The following PRDM16 variants were observed in gnomAD, a reference collection of about 807,000 sequenced individuals.
The protein encoded by PRDM16 is PR/SET domain 16.
In PRDM16, 23 loss-of-function variants were observed where a neutral mutation model predicts 110.6. The observed-to-expected ratio is 0.21, with a 90% confidence interval of 0.15 to 0.29. The LOEUF (loss-of-function observed/expected upper bound fraction) is 0.29. Among genes scored for constraint, PRDM16 ranks in the 10% least tolerant of loss-of-function variants. PRDM16 has a pLI of 1.00. For synonymous variants in PRDM16, 799 were observed against 781.8 expected (o/e 1.02, Z -0.37); for missense variants, 1,615 against 1,794.3 (o/e 0.90, Z 1.81).
chr1:3,196,749 A>C (rs775005905), intron 2 of PRDM16, among the ~76,000 whole-genome samples: 12 of 152,200 alleles, frequency 7.9e-5, no homozygotes, highest in Non-Finnish European at 1.2e-4. Context: ...CACTTGGAGG[A>C]GTCCAGCCCA....
intron 1 of PRDM16, among the ~76,000 whole-genome samples, chr1:3,146,493 G>A (rs1470668881): frequency 6.7e-6 from 1 of 150,122 alleles, no homozygotes; most frequent in Non-Finnish European, 1.5e-5. Context: ...TGGTTGGGGT[G>A]TATATGTGTG....
chr1:3,324,232 G>T lies in PRDM16; in HGVS notation c.439-60920G>T, dbSNP rs1201373496. ...TGCGGAGCAGGACTCCCACAGTGGG[G>T]CCTGGGGCACTAGGAGCCCCAAGGA... On this transcript the variant is annotated intron_variant, in intron 3 of 16. Transcript: ENST00000270722. Among the ~76,000 whole-genome samples the T allele has an allele frequency of 4.6e-5, 7 of 152,202 alleles. 1 individual carries two copies.
At chr1:3,097,694 G>A (rs2142572) in intron 1 of PRDM16, among the ~76,000 whole-genome samples, 10,513 of 152,236 alleles carry the variant, frequency 0.069, 389 homozygotes, top group Non-Finnish European at 0.072. Context: ...TCCTACCATG[G>A]AGGGAGGCAG....
chr1:3,425,271 G>A lies in PRDM16; in HGVS notation c.2940-310G>A, dbSNP rs1398628068. 4.6e-6 allele frequency: 1 copy of A among 217,106 alleles called. No individual in the cohort carries two copies. The highest frequency in any genetic ancestry group is 9.3e-6 in the Non-Finnish European group (1 of 107,890). 13.4% of individuals were successfully genotyped at this position (217,106 alleles called of 1,614,324 possible). On this transcript the variant is annotated intron_variant, in intron 12 of 16. Coordinates refer to ENST00000270722, the MANE Select transcript of PRDM16 (RefSeq NM_022114.4). This position sits in a 1 kb window ranked among gnomAD's most constrained non-coding sequence, Gnocchi z 6.9. ...TTTTTTGTATTTTTAGTAGAGACGG[G>A]GTTTCACCATGTCAGCCAGGATGGT...
intron 3 of PRDM16, among the ~76,000 whole-genome samples, chr1:3,264,191 G>C (rs566560067): frequency 6.6e-6 from 1 of 152,234 alleles, no homozygotes; most frequent in African/African-American, 2.4e-5. Context: ...TATGGAGTCC[G>C]AAAATGGGGC....
intron 1 of PRDM16, among the ~76,000 whole-genome samples, chr1:3,176,364 C>T (rs1644090662): frequency 7.8e-6 from 1 of 128,620 alleles, no homozygotes; most frequent in Non-Finnish European, 1.7e-5. Context: ...CTCCTGGAGG[C>T]ATTCACACCT....
At chr1:3,087,391 C>T (rs896358988) in intron 1 of PRDM16, among the ~76,000 whole-genome samples, 1 of 152,184 alleles carries the variant, frequency 6.6e-6, no homozygotes, top group Admixed American at 6.5e-5. Flanking sequence ...CTGAGGAACG[C>T]GAGAGCAGGT....
At chr1:3,388,830 G>C (rs1643245961) in intron 4 of PRDM16, among the ~76,000 whole-genome samples, 1 of 152,180 alleles carries the variant, frequency 6.6e-6, no homozygotes, top group Admixed American at 6.5e-5. Flanking sequence ...CCCATCCCGG[G>C]CTCCTCCTGG....
At chr1:3,114,144 TGCACACACGCACACACACAC>T (rs1409812948) in intron 1 of PRDM16, among the ~76,000 whole-genome samples, 1 of 151,422 alleles carries the variant, frequency 6.6e-6, no homozygotes, top group African/African-American at 2.4e-5. Flanking sequence ...CTCTGCACAC[TGCACACACGCACACACACAC>T]GCACACACAC....
At chr1:3,111,226 C>T (rs894669128) in intron 1 of PRDM16, among the ~76,000 whole-genome samples, 1 of 152,162 alleles carries the variant, frequency 6.6e-6, no homozygotes, top group Admixed American at 6.5e-5. Context: ...TGTGCCAAGG[C>T]CCCTGGGAGA....
At chr1:3,284,927 C>T (rs891892390) in intron 3 of PRDM16, among the ~76,000 whole-genome samples, 2 of 152,216 alleles carry the variant, frequency 1.3e-5, no homozygotes, top group African/African-American at 4.8e-5. Flanking sequence ...CACGCTGGCC[C>T]TTCCTGGGCT....
At chr1:3,174,258 G>C (rs1644061106) in intron 1 of PRDM16, among the ~76,000 whole-genome samples, 2 of 152,126 alleles carry the variant, frequency 1.3e-5, no homozygotes, top group Admixed American at 6.5e-5. Context: ...GTCCTATAAG[G>C]ACATCAGTCC....
chr1:3,123,571 G>A (rs974015739), intron 1 of PRDM16, among the ~76,000 whole-genome samples: 1 of 152,238 alleles, frequency 6.6e-6, no homozygotes, highest in Non-Finnish European at 1.5e-5. Flanking sequence ...AGTGAGGGGG[G>A]CCCAGAGTCT....
chr1:3,181,637 TAC>T (rs1644194812), intron 1 of PRDM16, among the ~76,000 whole-genome samples: 1 of 127,052 alleles, frequency 7.9e-6, no homozygotes, highest in Admixed American at 8.0e-5. Flanking sequence ...CATGCAGTCT[TAC>T]ACACGGTCTT....
In PRDM16 at chr1:3,331,299, C is replaced by CA. The variant is rs1553164486; in HGVS notation, c.439-53853_439-53852insA. Among the ~76,000 whole-genome samples the CA allele has an allele frequency of 2.6e-5, 4 of 152,106 alleles. No individual in the cohort carries two copies. The South Asian group carries it at 8.3e-4, about 32-fold the overall frequency. On this transcript the variant is annotated intron_variant, in intron 3 of 16. Coordinates refer to ENST00000270722, the MANE Select transcript of PRDM16 (RefSeq NM_022114.4). The stretch of plus-strand genomic sequence containing the variant: ...TGGGAGTCTGGAGAAAGGCAGCCCC[C>CA]CCCCGGCACACTTGGAGGTGGGGGG...
intron 3 of PRDM16, among the ~76,000 whole-genome samples, chr1:3,257,417 A>G (rs1056883016): frequency 2.6e-5 from 4 of 152,172 alleles, no homozygotes; most frequent in African/African-American, 9.6e-5. Flanking sequence ...TCTGCTCTCC[A>G]ACACTGCAAC....
At chr1:3,354,180 C>A (rs544452957) in intron 3 of PRDM16, among the ~76,000 whole-genome samples, 2 of 152,310 alleles carry the variant, frequency 1.3e-5, no homozygotes, top group East Asian at 3.9e-4. Context: ...CATTGCTAGG[C>A]CGGGTGTGGC....
chr1:3,235,725 C>G (rs1639524086), intron 2 of PRDM16, among the ~76,000 whole-genome samples: 1 of 152,196 alleles, frequency 6.6e-6, no homozygotes, highest in African/African-American at 2.4e-5. Flanking sequence ...CCCGTGAGTC[C>G]AGGACGGCGG....
At chr1:3,285,484 G>A (rs904614087) in intron 3 of PRDM16, among the ~76,000 whole-genome samples, 20 of 152,300 alleles carry the variant, frequency 1.3e-4, no homozygotes, top group Admixed American at 8.5e-4. Flanking sequence ...CAAATCTCGG[G>A]ACGGACATGT....
Sources: gnomAD v4.1 joint callset for allele counts (sites outside exome capture counted in the v4.1 genomes callset) on GRCh38, gnomAD v4.1.1 for gene constraint, Gnocchi (gnomAD v3.1) non-coding constraint, MANE v1.5 for transcripts, NCBI Gene and HGNC (gene_info 2026-07-23, HGNC 2026-07-21) for gene names.